The following ACTR3C variants were observed in gnomAD, a reference collection of about 807,000 sequenced individuals.
ACTR3C encodes the protein actin related protein 3C.
In ACTR3C, 18 loss-of-function variants were observed where a neutral mutation model predicts 26.3. The ratio of observed to expected loss-of-function variants is 0.68; its 90% confidence interval spans 0.47 to 1.01. The LOEUF (loss-of-function observed/expected upper bound fraction) is 1.01, where lower values mean the gene tolerates loss of function less well. ACTR3C is among the 50% of genes least tolerant of loss of function. The probability of loss-of-function intolerance (pLI) is 0.00; values close to 1 mark genes in which losing one functional copy is unlikely to be tolerated. For missense variants in ACTR3C, 184 were observed against 250.7 expected (o/e 0.73, Z 1.80); for synonymous variants, 55 against 94.5 (o/e 0.58, Z 2.42).
the ACTR3C span, among the ~76,000 whole-genome samples, chr7:150,227,688 G>GTTTTTTTTTTTTTTTTTTT: frequency 1.7e-4 from 19 of 111,366 alleles, no homozygotes; most frequent in South Asian, 2.9e-4. Context: ...TTGTGTCTGG[G>GTTTTTTTTTTTTTTTTTTT]TTTTTTTTTT....
the ACTR3C span, among the ~76,000 whole-genome samples, chr7:150,048,988 C>T: frequency 6.6e-6 from 1 of 152,248 alleles, no homozygotes; most frequent in South Asian, 2.1e-4. Flanking sequence ...TTATCATGAA[C>T]GCAGGCGGAG....
At chr7:150,033,029 G>A in the ACTR3C span, among the ~76,000 whole-genome samples, 233 of 152,210 alleles carry the variant, frequency 1.5e-3, no homozygotes, top group Middle Eastern at 3.4e-3. Flanking sequence ...ATGGCAGGAC[G>A]GGCCAGTGCA....
In ACTR3C at chr7:150,264,475, C is replaced by A. The variant is rs928988305; in HGVS notation, c.565-15421G>T. ...AGGAACATCATGAGCTCAGAAAGTA[C>A]GCAGCAAATGAGAAGAATGTGGAAC... is the stretch of plus-strand genomic sequence containing the variant. On this transcript the variant is annotated intron_variant, in intron 6 of 7. Coordinates refer to ENST00000683684, the MANE Select transcript of ACTR3C (RefSeq NM_001164458.2). 1.1e-4 allele frequency: 74 copies of A among 649,754 alleles called. 1 individual carries two copies. The highest frequency in any genetic ancestry group is 1.4e-4 in the Non-Finnish European group (73 of 525,476). 40.2% of individuals were successfully genotyped at this position (649,754 alleles called of 1,614,324 possible).
intron 1 of ACTR3C, 43 bp downstream of exon 1, chr7:150,323,426 T>C: frequency 2.9e-6 from 1 of 339,990 alleles, no homozygotes; most frequent in Non-Finnish European, 5.6e-6. Context: ...GGCCCAGGGG[T>C]CAGGGGCCGC....
At chr7:150,276,919 A>G (rs1834932843) in intron 6 of ACTR3C, among the ~76,000 whole-genome samples, 2 of 152,330 alleles carry the variant, frequency 1.3e-5, no homozygotes, top group East Asian at 3.9e-4. Context: ...GCCAGGGCAC[A>G]GCACCCAGTG....
the ACTR3C span, among the ~76,000 whole-genome samples, chr7:150,122,550 G>A: frequency 9.2e-5 from 14 of 152,130 alleles, no homozygotes; most frequent in African/African-American, 1.9e-4. Flanking sequence ...ACCATCTCAC[G>A]CCAGTTAGAA....
chr7:150,281,831 C>T (rs879645768), intron 6 of ACTR3C, among the ~76,000 whole-genome samples: 20 of 149,808 alleles, frequency 1.3e-4, no homozygotes, highest in Non-Finnish European at 2.7e-4. Context: ...CACTCCTAGT[C>T]GTTCAACACG....
the ACTR3C span, among the ~76,000 whole-genome samples, chr7:150,139,296 C>T: frequency 2.0e-5 from 3 of 152,370 alleles, no homozygotes; most frequent in East Asian, 1.9e-4. Context: ...TAGAATCACA[C>T]GATCTGTGCC....
chr7:149,893,551 A>G, the ACTR3C span, among the ~76,000 whole-genome samples: 1 of 152,244 alleles, frequency 6.6e-6, no homozygotes, highest in Non-Finnish European at 1.5e-5. Flanking sequence ...AAGCTTAACA[A>G]TCTATCAAGG....
chr7:149,939,571 TAA>T, the ACTR3C span, among the ~76,000 whole-genome samples: 1 of 63,990 alleles, frequency 1.6e-5, no homozygotes, highest in African/African-American at 4.5e-5. Context: ...TCTGCCAGGC[TAA>T]GAGACAGAAG....
the ACTR3C span, among the ~76,000 whole-genome samples, chr7:150,046,415 T>G: frequency 1.5e-5 from 2 of 134,374 alleles, no homozygotes; most frequent in Admixed American, 1.9e-4. Flanking sequence ...ACAGCATGGC[T>G]GGAGGCTGCA....
the ACTR3C span, among the ~76,000 whole-genome samples, chr7:150,085,352 G>GGAAGATAAGACT: frequency 6.6e-6 from 1 of 152,154 alleles, no homozygotes; most frequent in Admixed American, 6.5e-5. Flanking sequence ...ATGCTGAGAG[G>GGAAGATAAGACT]TCACGCGGGA....
At chr7:150,219,316 G>T in the ACTR3C span, among the ~76,000 whole-genome samples, 24 of 139,828 alleles carry the variant, frequency 1.7e-4, no homozygotes, top group South Asian at 6.5e-4. Context: ...TCGAAAATAA[G>T]ATGACAGAGT....
At chr7:150,038,695 A>G in the ACTR3C span, among the ~76,000 whole-genome samples, 5 of 140,190 alleles carry the variant, frequency 3.6e-5, 1 homozygote, top group Admixed American at 2.8e-4. Flanking sequence ...TTGGACACCT[A>G]ACACCCACAG....
At chr7:150,060,345 C>A in the ACTR3C span, among the ~76,000 whole-genome samples, 4 of 150,676 alleles carry the variant, frequency 2.7e-5, no homozygotes, top group Non-Finnish European at 5.9e-5. Flanking sequence ...TTATTTTGAT[C>A]CAGGTGAATA....
intron 1 of ACTR3C, among the ~76,000 whole-genome samples, chr7:150,298,257 A>C (rs1273651367): frequency 2.0e-5 from 3 of 150,296 alleles, no homozygotes; most frequent in Non-Finnish European, 4.4e-5. Flanking sequence ...GAGTCCTTTT[A>C]ATCATTACCA....
chr7:149,951,832 T>C, the ACTR3C span, among the ~76,000 whole-genome samples: 6,539 of 144,188 alleles, frequency 0.045, 514 homozygotes, highest in African/African-American at 0.17. Flanking sequence ...CAGGGCCAAG[T>C]GAGCATTTTG....
the ACTR3C span, among the ~76,000 whole-genome samples, chr7:149,929,702 T>G: frequency 6.6e-6 from 1 of 151,978 alleles, no homozygotes; most frequent in Non-Finnish European, 1.5e-5. Flanking sequence ...AGCTAATTTT[T>G]GTATTTTTAG....
At chr7:149,952,974 A>G in the ACTR3C span, among the ~76,000 whole-genome samples, 1 of 152,172 alleles carries the variant, frequency 6.6e-6, no homozygotes, top group Non-Finnish European at 1.5e-5. Flanking sequence ...TCTTATCCTA[A>G]GGAAATTATT....
Sources: gnomAD v4.1 joint callset for allele counts (sites outside exome capture counted in the v4.1 genomes callset) on GRCh38, gnomAD v4.1.1 for gene constraint, MANE v1.5 for transcripts, NCBI Gene and HGNC (gene_info 2026-07-23, HGNC 2026-07-21) for gene names.